ATXN3: variants seen among roughly 807,000 people sequenced by gnomAD.
ATXN3 encodes ataxin 3.
A neutral mutation model predicts 58.2 loss-of-function variants in ATXN3; 28 were observed. The observed-to-expected ratio is 0.48, with a 90% CI of 0.36 to 0.66. ATXN3 has a LOEUF of 0.66. Ranked by LOEUF, ATXN3 falls within the 30% of genes least tolerant of loss-of-function variation. ATXN3 has a pLI of 0.00. For missense variants in ATXN3, 321 were observed against 422.1 expected (o/e 0.76, Z 2.10); for synonymous variants, 113 against 138.5 (o/e 0.82, Z 1.29).
At position 92,064,178 on chromosome 14, in the gene ATXN3, C is replaced by T; in HGVS notation, c.*142G>A. On this transcript the variant is annotated 3_prime_UTR_variant, in exon 11 of 11. Transcript: ENST00000644486. ...TTAGTCCTACAACCGACGCATTGTT[C>T]CACTTTCCCATCATTTTGTTTGCAA... 1 of 550,658 alleles carries T rather than the reference C, an allele frequency of 1.8e-6. No individual in the cohort carries two copies. The highest frequency in any genetic ancestry group is 3.2e-6 in the Non-Finnish European group (1 of 310,960). 34.1% of individuals were successfully genotyped at this position (550,658 alleles called of 1,614,324 possible).
downstream of ATXN3, among the ~76,000 whole-genome samples, chr14:92,056,027 G>A (rs1181517009): frequency 2.6e-5 from 4 of 152,208 alleles, no homozygotes; most frequent in African/African-American, 9.6e-5. Context: ...AGACAGAGAT[G>A]CCCCTGTGCA....
chr14:92,056,511 A>G (rs2057465628), downstream of ATXN3, among the ~76,000 whole-genome samples: 1 of 152,208 alleles, frequency 6.6e-6, no homozygotes. Flanking sequence ...ACTAGTCACA[A>G]AAAAACCCTA....
Position 92,064,290 on chromosome 14 carries a change from T to C in ATXN3, c.*30A>G, listed in dbSNP as rs770831500. ...AATCACACAGGATAATGTTGGAAAG[T>C]ATGAATATCTAAATTATTTTTTAAA... is the stretch of plus-strand genomic sequence containing the variant. On this transcript the variant is annotated 3_prime_UTR_variant, in exon 11 of 11. Coordinates refer to ENST00000644486, the MANE Select transcript of ATXN3 (RefSeq NM_004993.6). 1.4e-6 allele frequency: 2 copies of C among 1,472,848 alleles called. No homozygotes were observed. The highest frequency in any genetic ancestry group is 1.9e-6 in the Non-Finnish European group (2 of 1,056,486). 91.2% of individuals were successfully genotyped at this position (1,472,848 alleles called of 1,614,324 possible). A position where few individuals can be genotyped will look rare whatever the true frequency, so the allele number is the denominator to read the frequency against.
intron 10 of ATXN3, among the ~76,000 whole-genome samples, chr14:92,067,544 G>A (rs908797167): frequency 6.6e-6 from 1 of 152,160 alleles, no homozygotes; most frequent in Non-Finnish European, 1.5e-5. Context: ...TTACAGGCAT[G>A]TGCCACCACG....
At chr14:92,103,068 A>G (rs1409396600) in intron 1 of ATXN3, among the ~76,000 whole-genome samples, 1 of 152,060 alleles carries the variant, frequency 6.6e-6, no homozygotes, top group Non-Finnish European at 1.5e-5. Context: ...GCACCAATAC[A>G]AATGGCACAG....
At chr14:92,086,329 G>A (rs548167341) in intron 6 of ATXN3, among the ~76,000 whole-genome samples, 3 of 150,136 alleles carry the variant, frequency 2.0e-5, no homozygotes, top group Non-Finnish European at 4.4e-5. Flanking sequence ...TTAGGGGGCC[G>A]AGGTGGGCGG....
At chr14:92,103,103 A>G (rs2067219400) in intron 1 of ATXN3, among the ~76,000 whole-genome samples, 1 of 133,994 alleles carries the variant, frequency 7.5e-6, no homozygotes, top group Admixed American at 8.3e-5. Flanking sequence ...AACATCAGCA[A>G]GAGGATTAAA....
At chr14:92,096,024 A>G in intron 3 of ATXN3, 69 bp downstream of exon 3, 1 of 1,236,910 alleles carries the variant, frequency 8.1e-7, no homozygotes, top group South Asian at 1.2e-5. Context: ...TGTTACAGTG[A>G]CTATTGAAAG....
At chr14:92,085,991 T>C (rs182971628) in intron 6 of ATXN3, among the ~76,000 whole-genome samples, 7 of 152,058 alleles carry the variant, frequency 4.6e-5, no homozygotes, top group Admixed American at 4.6e-4. Flanking sequence ...AGAAAAAAGA[T>C]ACAAGTATCT....
intron 9 of ATXN3, among the ~76,000 whole-genome samples, chr14:92,080,164 G>A (rs1357876503): frequency 2.0e-5 from 3 of 152,190 alleles, no homozygotes; most frequent in African/African-American, 7.2e-5. Context: ...CACAAGGTAA[G>A]GTTTTAGGAG....
At chr14:92,057,955 C>A (rs2057492847), downstream of ATXN3, among the ~76,000 whole-genome samples, 1 of 152,056 alleles carries the variant, frequency 6.6e-6, no homozygotes, top group Non-Finnish European at 1.5e-5. Context: ...AGTGATCCTT[C>A]CACCTCGGCC....
chr14:92,077,244 G>A (rs1471260068), intron 9 of ATXN3, among the ~76,000 whole-genome samples: 1 of 152,054 alleles, frequency 6.6e-6, no homozygotes, highest in African/African-American at 2.4e-5. Context: ...ACTATTTACT[G>A]TCATAGGAAA....
At chr14:92,105,123 T>C (rs2067943434) in intron 1 of ATXN3, among the ~76,000 whole-genome samples, 1 of 151,836 alleles carries the variant, frequency 6.6e-6, no homozygotes, top group Admixed American at 6.6e-5. Context: ...ATGAAAAGCA[T>C]TGTACTTAAC....
intron 6 of ATXN3, among the ~76,000 whole-genome samples, chr14:92,086,421 C>T (rs1307627048): frequency 1.3e-5 from 2 of 151,720 alleles, no homozygotes; most frequent in East Asian, 1.9e-4. Flanking sequence ...CAAAATTAGC[C>T]AGGCATGGTG....
intron 10 of ATXN3, among the ~76,000 whole-genome samples, chr14:92,065,112 CTA>C (rs1448176306): frequency 6.6e-6 from 1 of 152,168 alleles, no homozygotes; most frequent in African/African-American, 2.4e-5. Context: ...TCCCACCCAC[CTA>C]TCTTTTACCC....
At chr14:92,097,172 G>A (rs2065574793) in intron 1 of ATXN3, among the ~76,000 whole-genome samples, 2 of 151,812 alleles carry the variant, frequency 1.3e-5, no homozygotes, top group Non-Finnish European at 2.9e-5. Context: ...GCCTCCCAAA[G>A]TGCTGGGATT....
intron 9 of ATXN3, among the ~76,000 whole-genome samples, chr14:92,079,841 G>A (rs1025145332): frequency 1.3e-5 from 2 of 152,148 alleles, no homozygotes; most frequent in Non-Finnish European, 2.9e-5. Flanking sequence ...AGATTCAAGC[G>A]ATTCTCCTGT....
At chr14:92,087,448 C>T (rs2062833095) in intron 6 of ATXN3, among the ~76,000 whole-genome samples, 1 of 138,626 alleles carries the variant, frequency 7.2e-6, no homozygotes, top group East Asian at 2.4e-4. Context: ...TAGGCCTAGT[C>T]ACTTTGATAG....
At chr14:92,053,913 CTG>C (rs1013156258), downstream of ATXN3, among the ~76,000 whole-genome samples, 1 of 152,036 alleles carries the variant, frequency 6.6e-6, no homozygotes, top group African/African-American at 2.4e-5. Context: ...TGTCAGAGGC[CTG>C]TAAACCAGAG....
Sources: allele counts gnomAD v4.1 joint callset (sites outside exome capture counted in the v4.1 genomes callset), GRCh38; gene constraint gnomAD v4.1.1; transcripts MANE v1.5; gene names NCBI Gene and HGNC (gene_info 2026-07-23, HGNC 2026-07-21).